Variants in CNTNAP5 observed in about 807,000 individuals in gnomAD.
CNTNAP5 encodes contactin-associated protein-like 5.
A neutral mutation model predicts 150.2 loss-of-function variants in CNTNAP5; 72 were observed. The ratio of observed to expected loss-of-function variants is 0.48; its 90% CI spans 0.40 to 0.58. The LOEUF (loss-of-function observed/expected upper bound fraction) is 0.58. CNTNAP5 is among the 20% of genes least tolerant of loss of function. The pLI, the probability that CNTNAP5 is intolerant of heterozygous loss-of-function variation, is 0.00. For missense variants in CNTNAP5, 1,636 were observed against 1,626.2 expected (o/e 1.01, Z -0.10); for synonymous variants, 672 against 619.8 (o/e 1.08, Z -1.25).
chr2:124,904,520 TA>T (rs1161257540), intron 22 of CNTNAP5, among the ~76,000 whole-genome samples: 2 of 151,548 alleles, frequency 1.3e-5, no homozygotes, highest in Non-Finnish European at 2.9e-5. Flanking sequence ...AATACTGGCA[TA>T]AAACAGACAC....
At chr2:124,491,531 T>C (rs1694026853) in intron 7 of CNTNAP5, among the ~76,000 whole-genome samples, 1 of 152,122 alleles carries the variant, frequency 6.6e-6, no homozygotes, top group Non-Finnish European at 1.5e-5. Context: ...TTTTGGCTAT[T>C]GTAGATAATG....
At position 124,914,344 on chromosome 2, in the gene CNTNAP5, C is replaced by A; in HGVS notation, c.*56C>A. On this transcript the variant is annotated 3_prime_UTR_variant, in exon 24 of 24. Transcript: ENST00000682447. ...CTTGTTGTTCAATTATCTCCTCCCC[C>A]TCTTCTCTCCTGTCTTTTGATTTGG... 1 of 1,223,554 alleles carries A rather than the reference C, an allele frequency of 8.2e-7. No homozygotes were observed. The highest frequency in any genetic ancestry group is 1.2e-6 in the Non-Finnish European group (1 of 850,812). 75.8% of individuals were successfully genotyped at this position (1,223,554 alleles called of 1,614,324 possible). A position where few individuals can be genotyped will look rare whatever the true frequency, so the allele number is the denominator to read the frequency against.
At chr2:124,123,777 A>AGGC (rs1683623138) in intron 1 of CNTNAP5, among the ~76,000 whole-genome samples, 1 of 152,180 alleles carries the variant, frequency 6.6e-6, no homozygotes, top group African/African-American at 2.4e-5. Flanking sequence ...TCCGCTAGTG[A>AGGC]TACCCAGGCA....
chr2:124,499,656 A>G (rs1390289422), intron 7 of CNTNAP5, among the ~76,000 whole-genome samples: 2 of 151,970 alleles, frequency 1.3e-5, no homozygotes, highest in African/African-American at 4.8e-5. Context: ...AATCCATTGT[A>G]CTCTCAGAGA....
At chr2:124,788,834 T>C (rs1681656448) in intron 17 of CNTNAP5, among the ~76,000 whole-genome samples, 1 of 152,170 alleles carries the variant, frequency 6.6e-6, no homozygotes, top group Admixed American at 6.5e-5. Context: ...AGTTTCACCA[T>C]GTTGGCCAGG....
intron 1 of CNTNAP5, among the ~76,000 whole-genome samples, chr2:124,131,808 C>G (rs1327567395): frequency 2.6e-5 from 4 of 152,114 alleles, no homozygotes; most frequent in African/African-American, 9.7e-5. Context: ...ACTATGGAAG[C>G]TTTAGAAAGA....
chr2:124,116,653 T>C (rs780014388), intron 1 of CNTNAP5, among the ~76,000 whole-genome samples: 1 of 152,218 alleles, frequency 6.6e-6, no homozygotes, highest in Non-Finnish European at 1.5e-5. Context: ...AATTTAAATG[T>C]GTAGCACAGA....
At chr2:124,356,968 G>C (rs1192445037) in intron 3 of CNTNAP5, among the ~76,000 whole-genome samples, 1 of 152,064 alleles carries the variant, frequency 6.6e-6, no homozygotes, top group African/African-American at 2.4e-5. Flanking sequence ...TCCAGCACCT[G>C]TTGTTTCCTG....
In CNTNAP5 at chr2:124,615,296, T is replaced by G. The variant is rs554515888; in HGVS notation, c.1876+5376T>G. ...ACCCACAGTAGAACTTCTTTCAAAATTGAAGTCAATCATTCCAAATTCTGC... is the reference window on the plus strand; with the variant it reads ...ACCCACAGTAGAACTTCTTTCAAAAGTGAAGTCAATCATTCCAAATTCTGC... On this transcript the variant is annotated intron_variant, in intron 12 of 23. Coordinates refer to ENST00000682447, the MANE Select transcript of CNTNAP5 (RefSeq NM_001367498.1). 3.3e-5 allele frequency among the ~76,000 whole-genome samples: 5 copies of G among 152,374 alleles called. No homozygotes were observed. The East Asian group carries it at 7.7e-4, about 23-fold the overall frequency.
intron 11 of CNTNAP5, among the ~76,000 whole-genome samples, chr2:124,588,165 C>T (rs1573478077): frequency 1.2e-5 from 1 of 81,240 alleles, no homozygotes; most frequent in African/African-American, 4.3e-5. Context: ...CTTTTCCTTC[C>T]TTCCTTCCTT....
chr2:124,636,954 A>G (rs914978819), intron 12 of CNTNAP5, among the ~76,000 whole-genome samples: 4 of 132,708 alleles, frequency 3.0e-5, no homozygotes, highest in Non-Finnish European at 7.0e-5. Flanking sequence ...ATTTTTACGG[A>G]ACCATTTGAA....
rs987173186 is a variant in CNTNAP5, at chr2:124,356,181, T to C, written c.382-61262T>C. On this transcript the variant is annotated intron_variant, in intron 3 of 23. Transcript: ENST00000682447. ...AAATATGATAAAATTATAACAAATA[T>C]TTTAGAAGGTATAAAAATAAAAGAT... Among the ~76,000 whole-genome samples the C allele has an allele frequency of 3.9e-5, 6 of 152,232 alleles. No homozygotes were observed. In the South Asian group the frequency reaches 1.2e-3, roughly 32 times the overall value.
rs902694232 is a variant in CNTNAP5, at chr2:124,361,597, G to T, written c.382-55846G>T. On this transcript the variant is annotated intron_variant, in intron 3 of 23. Coordinates refer to ENST00000682447, the MANE Select transcript of CNTNAP5 (RefSeq NM_001367498.1). The stretch of plus-strand genomic sequence containing the variant: ...GAGGTGTCAGTGTGCCCCTGCTGGG[G>T]GATGCCTCCCAGTTAGGCTGCTCGG... Among the ~76,000 whole-genome samples, 62 of 141,398 alleles carry T rather than the reference G, an allele frequency of 4.4e-4. 1 individual carries two copies. Among genetic ancestry groups the T allele is most frequent in the Non-Finnish European group, 8.3e-4 (54 of 64,700 alleles). The allele number at this position is 141,398 out of a possible 152,430, so 92.8% of individuals were successfully genotyped here.
intron 1 of CNTNAP5, among the ~76,000 whole-genome samples, chr2:124,057,168 A>T (rs1681873108): frequency 6.6e-6 from 1 of 151,862 alleles, no homozygotes; most frequent in Non-Finnish European, 1.5e-5. Context: ...AATTAAGCCC[A>T]TTCATTTTCC....
Position 124,504,546 on chromosome 2 carries a change from A to T in CNTNAP5, c.1317A>T (p.Glu439Asp), listed in dbSNP as rs758723595. The T allele has an allele frequency of 6.2e-7, 1 of 1,613,602 alleles. No individual in the cohort carries two copies. The highest frequency in any genetic ancestry group is 8.5e-7 in the Non-Finnish European group (1 of 1,179,786). ...VIQKMTERVA[E>D]ILTGSNLNDG... ...AGAAAATGACAGAACGCGTAGCTGA[A>T]ATCCTCACAGGTACTGTCTGCTGAC... The change falls in exon 8 of 24, where the codon GAA becomes GAT. Residue 439 changes from glutamate to aspartate, a missense_variant. Physicochemically the swap from Glu to Asp is conservative, Grantham distance 45. Transcript: ENST00000682447.
chr2:124,618,713 T>G (rs1677541296), intron 12 of CNTNAP5, among the ~76,000 whole-genome samples: 2 of 152,146 alleles, frequency 1.3e-5, no homozygotes, highest in African/African-American at 4.8e-5. Flanking sequence ...GTGGAACTGG[T>G]GGGGCAAGTG....
intron 17 of CNTNAP5, among the ~76,000 whole-genome samples, chr2:124,780,241 A>G (rs1681421428): frequency 1.3e-5 from 2 of 152,178 alleles, no homozygotes; most frequent in Admixed American, 1.3e-4. Flanking sequence ...TTAAATAAGA[A>G]TGGCAAGCAA....
chr2:124,702,484 A>T (rs759948728), intron 13 of CNTNAP5, among the ~76,000 whole-genome samples: 7 of 144,798 alleles, frequency 4.8e-5, no homozygotes, highest in Non-Finnish European at 8.9e-5. Context: ...TCCTTTAGGG[A>T]TGTGGACATT....
chr2:124,186,436 A>C (rs1685333688), intron 1 of CNTNAP5, among the ~76,000 whole-genome samples: 1 of 152,226 alleles, frequency 6.6e-6, no homozygotes, highest in Non-Finnish European at 1.5e-5. Context: ...AGCCTATATA[A>C]TGTTATGTAT....
Sources: gnomAD v4.1 joint callset for allele counts (sites outside exome capture counted in the v4.1 genomes callset) on GRCh38, gnomAD v4.1.1 for gene constraint, MANE v1.5 for transcripts, NCBI Gene and HGNC (gene_info 2026-07-23, HGNC 2026-07-21) for gene names.